Variants in TRHDE observed in about 807,000 individuals in gnomAD.
The protein encoded by TRHDE is thyrotropin releasing hormone degrading enzyme.
In TRHDE, 72 loss-of-function variants were observed where a neutral mutation model predicts 125.7. The ratio of observed to expected loss-of-function variants is 0.57; its 90% confidence interval spans 0.47 to 0.70. The LOEUF is 0.70. Among genes scored for constraint, TRHDE ranks in the 30% least tolerant of loss-of-function variants. TRHDE has a pLI of 0.00. For missense variants in TRHDE, 1,110 were observed against 1,327.1 expected, an observed-to-expected ratio of 0.84 and a Z score of 2.54; for synonymous variants, 509 against 509.1, an observed-to-expected ratio of 1.00 and a Z score of 0.00.
chr12:72,190,479 A>G (rs1264982627), intron 2 of TRHDE, among the ~76,000 whole-genome samples: 1 of 152,250 alleles, frequency 6.6e-6, no homozygotes, highest in Non-Finnish European at 1.5e-5. Context: ...CTGAATGGTC[A>G]GAATCATGGC....
chr12:72,307,231 G>A (rs1868356001), intron 2 of TRHDE, among the ~76,000 whole-genome samples: 1 of 152,016 alleles, frequency 6.6e-6, no homozygotes, highest in Non-Finnish European at 1.5e-5. Flanking sequence ...ACTGCAACCT[G>A]CTCACTGAAA....
chr12:72,458,468 G>C (rs1388355057), intron 3 of TRHDE, among the ~76,000 whole-genome samples: 1 of 151,974 alleles, frequency 6.6e-6, no homozygotes, highest in Non-Finnish European at 1.5e-5. Flanking sequence ...TTAAATCTCA[G>C]TGCTCCTCAG....
intron 2 of TRHDE, among the ~76,000 whole-genome samples, chr12:72,357,242 A>G (rs920559536): frequency 6.6e-6 from 1 of 151,588 alleles, no homozygotes; most frequent in South Asian, 2.1e-4. Flanking sequence ...ATCCTAAGCA[A>G]TAACTATTAC....
chr12:72,310,838 T>C (rs1462843828), intron 2 of TRHDE, among the ~76,000 whole-genome samples: 1 of 152,168 alleles, frequency 6.6e-6, no homozygotes, highest in Non-Finnish European at 1.5e-5. Context: ...CTAATGGTAT[T>C]GAATCAAGAA....
intron 2 of TRHDE, among the ~76,000 whole-genome samples, chr12:72,159,111 T>C (rs547456631): frequency 4.6e-5 from 7 of 152,346 alleles, no homozygotes; most frequent in African/African-American, 1.7e-4. Context: ...TTATTTAATA[T>C]ATTTATTGAC....
At chr12:72,578,488 T>C (rs1279778127) in intron 12 of TRHDE, among the ~76,000 whole-genome samples, 3 of 152,198 alleles carry the variant, frequency 2.0e-5, no homozygotes, top group Admixed American at 6.5e-5. Flanking sequence ...CCCTCCCTCA[T>C]TGAGGACTTA....
chr12:72,428,690 A>G (rs969214563), intron 3 of TRHDE, among the ~76,000 whole-genome samples: 1 of 152,148 alleles, frequency 6.6e-6, no homozygotes, highest in African/African-American at 2.4e-5. Context: ...TATATTCACA[A>G]CATGTGTAGT....
chr12:72,265,546 C>G (rs536864089), intron 2 of TRHDE, among the ~76,000 whole-genome samples: 1 of 150,636 alleles, frequency 6.6e-6, no homozygotes, highest in South Asian at 2.1e-4. Flanking sequence ...ATGAACCCCA[C>G]CCCCCCAGAA....
At chr12:72,187,506 T>TGGTGGAGGA (rs1233283631) in intron 2 of TRHDE, among the ~76,000 whole-genome samples, 2 of 132,296 alleles carry the variant, frequency 1.5e-5, no homozygotes, top group African/African-American at 5.8e-5. Flanking sequence ...GTGGTGGTGG[T>TGGTGGAGGA]GGAGGAGGAG....
chr12:72,257,707 A>G (rs1403510448), intron 2 of TRHDE: 2 of 152,146 alleles, frequency 1.3e-5, no homozygotes, highest in African/African-American at 2.4e-5. Context: ...GGTAATTTGA[A>G]TTTAGATCTT....
At chr12:72,602,871 A>C (rs893480579) in intron 12 of TRHDE, among the ~76,000 whole-genome samples, 1 of 152,282 alleles carries the variant, frequency 6.6e-6, no homozygotes, top group Middle Eastern at 3.4e-3. Flanking sequence ...CTTTAGCCAC[A>C]ATCCAGCAGC....
At chr12:72,525,397 T>C (rs1868313531) in intron 6 of TRHDE, among the ~76,000 whole-genome samples, 1 of 152,060 alleles carries the variant, frequency 6.6e-6, no homozygotes, top group African/African-American at 2.4e-5. Context: ...TATCAAGTCT[T>C]TTAAAACTAA....
intron 2 of TRHDE, among the ~76,000 whole-genome samples, chr12:72,202,252 G>T (rs544631742): frequency 6.6e-6 from 1 of 152,266 alleles, no homozygotes; most frequent in African/African-American, 2.4e-5. Flanking sequence ...TCCTGTTTCT[G>T]GCCAGTGGGG....
chr12:72,310,195 A>C (rs1199992223), intron 2 of TRHDE, among the ~76,000 whole-genome samples: 1 of 152,138 alleles, frequency 6.6e-6, no homozygotes, highest in African/African-American at 2.4e-5. Context: ...TCTATGTCTG[A>C]CTTTCTTCAC....
chr12:72,493,100 A>C lies in TRHDE; in HGVS notation c.1585-6398A>C, dbSNP rs560015280. The stretch of plus-strand genomic sequence containing the variant: ...AGAGGGAGTCAGGAAACATATGTGG[A>C]ATTAGATTGCATTATTCAAGCATTA... On this transcript the variant is annotated intron_variant, in intron 5 of 18. Transcript: ENST00000261180. Among the ~76,000 whole-genome samples the C allele has an allele frequency of 9.9e-5, 15 of 152,006 alleles. 1 individual carries two copies. The highest frequency in any genetic ancestry group is 9.8e-4 in the Admixed American group (15 of 15,236).
At chr12:72,089,502 C>T (rs907243340) in intron 1 of TRHDE, among the ~76,000 whole-genome samples, 1 of 152,212 alleles carries the variant, frequency 6.6e-6, no homozygotes, top group African/African-American at 2.4e-5. Context: ...CTTTGGGTTC[C>T]TTGAACAAAT....
intron 2 of TRHDE, among the ~76,000 whole-genome samples, chr12:72,185,135 C>G (rs944951199): frequency 6.6e-6 from 1 of 152,174 alleles, no homozygotes; most frequent in Admixed American, 6.5e-5. Context: ...CACTCGCACT[C>G]GGAGCAGCCG....
intron 2 of TRHDE, among the ~76,000 whole-genome samples, chr12:72,176,918 A>G (rs1877000875): frequency 6.6e-6 from 1 of 152,224 alleles, no homozygotes; most frequent in Non-Finnish European, 1.5e-5. Flanking sequence ...ATGCAAGAAG[A>G]ACAAGATAAA....
chr12:72,403,274 G>C (rs1440385879), intron 3 of TRHDE, among the ~76,000 whole-genome samples: 3 of 152,170 alleles, frequency 2.0e-5, no homozygotes, highest in Admixed American at 6.5e-5. Context: ...TCATTGAGCT[G>C]AGTCTTGAAG....
Sources: allele counts gnomAD v4.1 joint callset (sites outside exome capture counted in the v4.1 genomes callset), GRCh38; gene constraint gnomAD v4.1.1; transcripts MANE v1.5; gene names NCBI Gene and HGNC (gene_info 2026-07-23, HGNC 2026-07-21).